Variants in PTPN5 observed in about 807,000 individuals in gnomAD.
The protein encoded by PTPN5 is protein tyrosine phosphatase non-receptor type 5, also known as tyrosine-protein phosphatase non-receptor type 5.
PTPN5 carries 29 observed loss-of-function variants against 73.9 expected under a neutral mutation model. The observed-to-expected ratio is 0.39, with a 90% CI of 0.29 to 0.54. The LOEUF (loss-of-function observed/expected upper bound fraction) is 0.54, where lower values mean the gene tolerates loss of function less well. PTPN5 is among the 20% of genes least tolerant of loss of function. The pLI, the probability that PTPN5 is intolerant of heterozygous loss-of-function variation, is 0.65. For missense variants in PTPN5, 652 were observed against 751.4 expected (o/e 0.87, Z 1.55); for synonymous variants, 267 against 304.7 (o/e 0.88, Z 1.29).
rs373726930 is a variant in PTPN5 at position 18,771,922 on chromosome 11, C to G, written c.20+17G>C. On this transcript the variant is annotated intron_variant, in intron 2 of 14. Transcript: ENST00000358540. ...CAGTGGGCGGGTTGCAGGGGGACGGCGTAAACGCTCACTCACCTGGCTCCC... is the reference window on the plus strand; with the variant it reads ...CAGTGGGCGGGTTGCAGGGGGACGGGGTAAACGCTCACTCACCTGGCTCCC... 2.5e-6 allele frequency: 4 copies of G among 1,596,442 alleles called. No homozygotes were observed. In the African/African-American group the frequency reaches 5.4e-5, roughly 22 times the overall value.
At chr11:18,748,432 C>A (rs1849736482) in intron 3 of PTPN5, among the ~76,000 whole-genome samples, 1 of 152,134 alleles carries the variant, frequency 6.6e-6, no homozygotes. Flanking sequence ...CACCTGGCAG[C>A]CCTGGGGACC....
At chr11:18,786,528 C>G (rs372936276) in intron 1 of PTPN5, among the ~76,000 whole-genome samples, 2 of 152,240 alleles carry the variant, frequency 1.3e-5, no homozygotes, top group East Asian at 1.9e-4. Context: ...TTATTTTCCA[C>G]AATCCCCTAA....
chr11:18,732,777 GC>G, intron 11 of PTPN5, 75 bp from the exon 12 acceptor site: 1 of 1,260,674 alleles, frequency 7.9e-7, no homozygotes. Context: ...TTCAGGGCCA[GC>G]GGAGAGATAC....
At chr11:18,761,592 G>A (rs1241958063) in intron 3 of PTPN5, among the ~76,000 whole-genome samples, 1 of 152,156 alleles carries the variant, frequency 6.6e-6, no homozygotes, top group Non-Finnish European at 1.5e-5. Flanking sequence ...GCACAGGGGT[G>A]GGGAAGGCAG....
chr11:18,772,972 A>G (rs575015768), intron 1 of PTPN5, among the ~76,000 whole-genome samples: 1 of 151,016 alleles, frequency 6.6e-6, no homozygotes, highest in East Asian at 2.0e-4. Flanking sequence ...GAGATGTGAA[A>G]GAGGAGTGGG....
chr11:18,739,709 G>A (rs1025471432), intron 8 of PTPN5, among the ~76,000 whole-genome samples: 5 of 152,228 alleles, frequency 3.3e-5, no homozygotes, highest in Non-Finnish European at 5.9e-5. Flanking sequence ...CTTCTACCAG[G>A]AGGAACTCAC....
chr11:18,738,085 C>A, intron 8 of PTPN5, 121 bp from the exon 9 acceptor site: 1 of 743,370 alleles, frequency 1.3e-6, no homozygotes, highest in South Asian at 1.5e-5. Flanking sequence ...ATTCATTCAA[C>A]AAACATTTAC....
intron 12 of PTPN5, chr11:18,730,321 G>C (rs539798654): frequency 5.0e-6 from 1 of 198,620 alleles, no homozygotes; most frequent in African/African-American, 2.3e-5. Context: ...CATTGCTCGA[G>C]TGTGGGAGAT....
intron 1 of PTPN5, among the ~76,000 whole-genome samples, chr11:18,786,540 A>C (rs1313899179): frequency 6.6e-6 from 1 of 152,228 alleles, no homozygotes; most frequent in Non-Finnish European, 1.5e-5. Context: ...ATCCCCTAAG[A>C]TAAGGAAGAG....
intron 3 of PTPN5, among the ~76,000 whole-genome samples, chr11:18,752,188 C>T (rs760500090): frequency 3.2e-4 from 48 of 152,140 alleles, no homozygotes; most frequent in African/African-American, 9.7e-4. Context: ...CCAGAGAGCG[C>T]GCCACTGCAC....
In PTPN5 at chr11:18,770,873, C is replaced by T. The variant is rs114553044; in HGVS notation, c.20+1066G>A. Among the ~76,000 whole-genome samples, 1,298 of 152,316 alleles carry T rather than the reference C, an allele frequency of 8.5e-3. 15 individuals carry two copies. The highest frequency in any genetic ancestry group is 0.029 in the African/African-American group (1,221 of 41,558). On this transcript the variant is annotated intron_variant, in intron 2 of 14. Transcript: ENST00000358540. Reference sequence around the variant, plus strand: ...CACGGCCAGTGCAGAAGATACAGAACAGCTGCTGCCGTGGGCTGGGTGAAG... The same window carrying T: ...CACGGCCAGTGCAGAAGATACAGAATAGCTGCTGCCGTGGGCTGGGTGAAG...
intron 9 of PTPN5, among the ~76,000 whole-genome samples, chr11:18,737,013 T>G (rs1055905298): frequency 6.6e-6 from 1 of 152,194 alleles, no homozygotes; most frequent in African/African-American, 2.4e-5. Flanking sequence ...TAAAAATAAG[T>G]CATGACATCT....
chr11:18,753,680 G>A (rs1849996082), intron 3 of PTPN5, among the ~76,000 whole-genome samples: 1 of 152,162 alleles, frequency 6.6e-6, no homozygotes, highest in Non-Finnish European at 1.5e-5. Context: ...TAATGTCAAG[G>A]AAATCCTCAC....
intron 12 of PTPN5, chr11:18,730,120 G>C (rs921768006): frequency 1.7e-5 from 9 of 519,282 alleles, no homozygotes; most frequent in Non-Finnish European, 2.7e-5. Context: ...ACTATCTCCA[G>C]GGTTCCTTAT....
In PTPN5 at chr11:18,742,947, G is replaced by A. The variant is rs572232871; in HGVS notation, c.483+45C>T. The A allele has an allele frequency of 2.3e-6, 3 of 1,286,236 alleles. No individual in the cohort carries two copies. Among genetic ancestry groups the A allele is most frequent in the South Asian group, 2.5e-5 (2 of 78,684 alleles). The allele number at this position is 1,286,236 out of a possible 1,614,324, so 79.7% of individuals were successfully genotyped here. On this transcript the variant is annotated intron_variant, in intron 6 of 14. Transcript: ENST00000358540. This position sits in a 1 kb window ranked among gnomAD's most constrained non-coding sequence, Gnocchi z 4.1. Reference sequence around the variant, plus strand: ...AGCTGGTAGAAATCCAGGCCTCAAGGTCAGAGGAGGACAGCCTTGAGGTTG... The same window carrying A: ...AGCTGGTAGAAATCCAGGCCTCAAGATCAGAGGAGGACAGCCTTGAGGTTG...
intron 3 of PTPN5, among the ~76,000 whole-genome samples, chr11:18,754,778 T>C (rs1037866826): frequency 2.0e-5 from 3 of 152,248 alleles, no homozygotes; most frequent in African/African-American, 7.2e-5. Flanking sequence ...TTCCTTTTGA[T>C]GTACTTTTCT....
At chr11:18,772,393 G>A (rs1400441168) in intron 1 of PTPN5, among the ~76,000 whole-genome samples, 1 of 152,194 alleles carries the variant, frequency 6.6e-6, no homozygotes, top group Non-Finnish European at 1.5e-5. Flanking sequence ...GACTCCCAAT[G>A]CTTAGTTCAC....
chr11:18,737,129 G>A (rs549968581), intron 9 of PTPN5, among the ~76,000 whole-genome samples: 22 of 152,288 alleles, frequency 1.4e-4, no homozygotes, highest in African/African-American at 4.8e-4. Context: ...ACAAGTCAAC[G>A]CCCAAGCTAG....
chr11:18,732,830 A>T, intron 11 of PTPN5, 128 bp from the exon 12 acceptor site: 1 of 735,682 alleles, frequency 1.4e-6, no homozygotes, highest in Admixed American at 2.5e-5. Flanking sequence ...TTGGGTTCAA[A>T]TCTCAGCTGC....
Sources: allele counts gnomAD v4.1 joint callset (sites outside exome capture counted in the v4.1 genomes callset), GRCh38; gene constraint gnomAD v4.1.1; non-coding constraint Gnocchi (gnomAD v3.1); transcripts MANE v1.5; gene names NCBI Gene and HGNC (gene_info 2026-07-23, HGNC 2026-07-21).